ADIPOQ: variants seen among roughly 807,000 people sequenced by gnomAD.
ADIPOQ encodes adiponectin, C1Q and collagen domain containing, also known as adiponectin.
In ADIPOQ, 19 loss-of-function variants were observed where a neutral mutation model predicts 16.1. That is an observed-to-expected ratio of 1.18 (90% CI 0.82 to 1.73). ADIPOQ has a LOEUF of 1.73. ADIPOQ is among the 40% of genes most tolerant of loss of function. The probability of loss-of-function intolerance (pLI) is 0.00; values close to 1 mark genes in which losing one functional copy is unlikely to be tolerated. For synonymous variants in ADIPOQ, 124 were observed against 125.5 expected (o/e 0.99, Z 0.08); for missense variants, 323 against 308.3 (o/e 1.05, Z -0.36).
At chr3:186,847,195 C>G (rs143439787) in intron 1 of ADIPOQ, among the ~76,000 whole-genome samples, 328 of 152,338 alleles carry the variant, frequency 2.2e-3, no homozygotes, top group Non-Finnish European at 3.7e-3. Flanking sequence ...AAACGCATTA[C>G]AGGTCAGAAC....
chr3:186,844,071 T>A (rs1200466385), intron 1 of ADIPOQ, among the ~76,000 whole-genome samples: 1 of 152,224 alleles, frequency 6.6e-6, no homozygotes, highest in Non-Finnish European at 1.5e-5. Flanking sequence ...GGTCCCTTTA[T>A]GCTAGCAGAA....
chr3:186,853,713 C>A, intron 2 of ADIPOQ: 1 of 218,314 alleles, frequency 4.6e-6, no homozygotes, highest in East Asian at 1.1e-4. Flanking sequence ...AAAGTCTACT[C>A]TAAAAATGTC....
At chr3:186,847,234 G>A (rs1213101811) in intron 1 of ADIPOQ, among the ~76,000 whole-genome samples, 7 of 152,192 alleles carry the variant, frequency 4.6e-5, no homozygotes, top group Non-Finnish European at 1.5e-5. Context: ...CACCAAGACC[G>A]TAGAGCCCGT....
At chr3:186,843,743 T>C (rs553137838) in intron 1 of ADIPOQ, among the ~76,000 whole-genome samples, 6 of 151,850 alleles carry the variant, frequency 4.0e-5, no homozygotes, top group Non-Finnish European at 8.8e-5. Context: ...TGGCAACTTA[T>C]GAAAAATTGT....
chr3:186,848,499 C>CTGA (rs1711646721), intron 1 of ADIPOQ, among the ~76,000 whole-genome samples: 1 of 152,190 alleles, frequency 6.6e-6, no homozygotes. Flanking sequence ...CATCGCATCA[C>CTGA]GGTGCCTCCG....
In ADIPOQ at chr3:186,854,935, G is replaced by A; in HGVS notation, c.*231G>A. ...TGACCAGATAACTGACTAGAAAGAA[G>A]TAGTTGACAGTGCTATTTTGTGCCC... On this transcript the variant is annotated 3_prime_UTR_variant, in exon 3 of 3. Transcript: ENST00000320741. 1.7e-6 allele frequency: 1 copy of A among 599,748 alleles called. No homozygotes were observed. The highest frequency in any genetic ancestry group is 2.9e-6 in the Non-Finnish European group (1 of 348,344). The allele number at this position is 599,748 out of a possible 1,614,324, so 37.2% of individuals were successfully genotyped here. A position where few individuals can be genotyped will look rare whatever the true frequency, so the allele number is the denominator to read the frequency against.
Position 186,853,113 on chromosome 3 carries a change from G to A in ADIPOQ, c.55G>A (p.Glu19Lys). ...ATTAGCTCTGCCCGGTCATGACCAG[G>A]AAACCACGACTCAAGGGCCCGGAGT... ...LLLALPGHDQ[E>K]TTTQGPGVLL... is the part of the protein sequence containing the mutation. Residue 19 changes from glutamate (E) to lysine (K), a missense_variant, in exon 2 of 3, where the codon GAA becomes AAA. Physicochemically the swap from Glu to Lys is moderately conservative, Grantham distance 56. Coordinates refer to ENST00000320741, the MANE Select transcript of ADIPOQ (RefSeq NM_004797.4). The A allele has an allele frequency of 6.2e-7, 1 of 1,614,198 alleles. No individual in the cohort carries two copies. The highest frequency in any genetic ancestry group is 8.5e-7 in the Non-Finnish European group (1 of 1,180,032).
chr3:186,843,981 A>C (rs1342341834), intron 1 of ADIPOQ, among the ~76,000 whole-genome samples: 1 of 152,170 alleles, frequency 6.6e-6, no homozygotes, highest in Admixed American at 6.5e-5. Context: ...ATCAAGCCTC[A>C]CAAGGGGTGG....
intron 1 of ADIPOQ, among the ~76,000 whole-genome samples, chr3:186,843,673 A>AAAG (rs1553804540): frequency 6.6e-6 from 1 of 151,494 alleles, no homozygotes; most frequent in African/African-American, 2.4e-5. Context: ...AAAAAAAAAA[A>AAAG]AAAGAAAGAA....
chr3:186,857,134 C>T lies in ADIPOQ; in HGVS notation c.*2430C>T, dbSNP rs200846357. On this transcript the variant is annotated 3_prime_UTR_variant, in exon 3 of 3. Coordinates refer to ENST00000320741, the MANE Select transcript of ADIPOQ (RefSeq NM_004797.4). The stretch of plus-strand genomic sequence containing the variant: ...TGGACATCATGTTTTCTGGTGATGC[C>T]CAAAGAGGAGAGAGGAAGCTCTCTT... The T allele has an allele frequency of 5.9e-5, 9 of 152,130 alleles. No individual in the cohort carries two copies. Among genetic ancestry groups the T allele is most frequent in the Non-Finnish European group, 1.2e-4 (8 of 68,032 alleles). The allele number at this position is 152,130 out of a possible 1,614,324, so 9.4% of individuals were successfully genotyped here. A position where few individuals can be genotyped will look rare whatever the true frequency, so the allele number is the denominator to read the frequency against.
chr3:186,848,161 A>T (rs1711628106), intron 1 of ADIPOQ, among the ~76,000 whole-genome samples: 2 of 125,174 alleles, frequency 1.6e-5, no homozygotes, highest in Admixed American at 8.6e-5. Context: ...CCACAAAGCG[A>T]GACTCCACTT....
Position 186,856,197 on chromosome 3 carries a change from T to A in ADIPOQ, c.*1493T>A, listed in dbSNP as rs1268593284. 2 of 152,180 alleles carry A rather than the reference T, an allele frequency of 1.3e-5. No homozygotes were observed. The highest frequency in any genetic ancestry group is 4.8e-5 in the African/African-American group (2 of 41,442). 9.4% of individuals were successfully genotyped at this position (152,180 alleles called of 1,614,324 possible). ...CAGGGTCAGGGAAGACTGGGCCTCC[T>A]GAATTTATTATTGTTCTTTAAGAAT... On this transcript the variant is annotated 3_prime_UTR_variant, in exon 3 of 3. Coordinates refer to ENST00000320741, the MANE Select transcript of ADIPOQ (RefSeq NM_004797.4).
chr3:186,853,231 G>A lies in ADIPOQ; in HGVS notation c.173G>A (p.Arg58Lys), dbSNP rs867848674. Residue 58 changes from arginine (R) to lysine (K), a missense_variant, in exon 2 of 3, where the codon AGA (arginine) becomes AAA (lysine). By Grantham distance (26) the Arg-to-Lys change is conservative. Coordinates refer to ENST00000320741, the MANE Select transcript of ADIPOQ (RefSeq NM_004797.4). Reference protein sequence around the residue: ...GHNGAPGRDGRDGTPGEKGEK... With the variant: ...GHNGAPGRDGKDGTPGEKGEK... The stretch of plus-strand genomic sequence containing the variant: ...AATGGGGCCCCAGGCCGTGATGGCA[G>A]AGATGGCACCCCTGGTGAGAAGGGT... 1.2e-6 allele frequency: 2 copies of A among 1,613,062 alleles called. No homozygotes were observed. The highest frequency in any genetic ancestry group is 1.1e-5 in the South Asian group (1 of 90,946).
At position 186,853,047 on chromosome 3, in the gene ADIPOQ, C is replaced by T. The variant is rs1711838232; in HGVS notation, c.-8-4C>T. The stretch of plus-strand genomic sequence containing the variant: ...ATGGCTGACAGTGCACATGTGGATT[C>T]CAGGGCTCAGGATGCTGTTGCTGGG... On this transcript the variant is annotated splice_region_variant and splice_polypyrimidine_tract_variant and intron_variant, in intron 1 of 2. Transcript: ENST00000320741. 1 of 1,614,146 alleles carries T rather than the reference C, an allele frequency of 6.2e-7. No individual in the cohort carries two copies. Among genetic ancestry groups the T allele is most frequent in the Non-Finnish European group, 8.5e-7 (1 of 1,180,010 alleles).
intron 1 of ADIPOQ, among the ~76,000 whole-genome samples, chr3:186,846,972 T>C (rs1194040925): frequency 2.0e-5 from 3 of 152,224 alleles, no homozygotes; most frequent in Non-Finnish European, 4.4e-5. Context: ...GAGTCTGTTA[T>C]TGGGTTCTGA....
In ADIPOQ at chr3:186,854,411, G is replaced by T. The variant is rs1711912115; in HGVS notation, c.442G>T (p.Gly148Cys). 1 of 1,614,192 alleles carries T rather than the reference G, an allele frequency of 6.2e-7. No homozygotes were observed. Among genetic ancestry groups the T allele is most frequent in the Non-Finnish European group, 8.5e-7 (1 of 1,180,040 alleles). ...GCAAAACCACTATGATGGCTCCACT[G>T]GTAAATTCCACTGCAACATTCCTGG... Reference protein sequence around the residue: ...NQQNHYDGSTGKFHCNIPGLY... With the variant: ...NQQNHYDGSTCKFHCNIPGLY... The change falls in exon 3 of 3, where the codon GGT (glycine) becomes TGT (cysteine). Residue 148 changes from glycine to cysteine, a missense_variant. By Grantham distance (159) the Gly-to-Cys change is radical (BLOSUM62 -3). Coordinates refer to ENST00000320741, the MANE Select transcript of ADIPOQ (RefSeq NM_004797.4).
rs1203609134 is a variant in ADIPOQ, at chr3:186,856,440, GC to G, written c.*1737del. The G allele has an allele frequency of 6.6e-6, 1 of 152,028 alleles. No homozygotes were observed. Among genetic ancestry groups the G allele is most frequent in the Non-Finnish European group, 1.5e-5 (1 of 68,012 alleles). The allele number at this position is 152,028 out of a possible 1,614,324, so 9.4% of individuals were successfully genotyped here. On this transcript the variant is annotated 3_prime_UTR_variant, in exon 3 of 3. Transcript: ENST00000320741. ...AGGTATTATTTTTTCCACATATAAA[GC>G]TTTGTCTTTTTGTTGTTGTTGTTGT...
Position 186,854,764 on chromosome 3 carries a change from C to A in ADIPOQ, c.*60C>A. On this transcript the variant is annotated 3_prime_UTR_variant, in exon 3 of 3. Coordinates refer to ENST00000320741, the MANE Select transcript of ADIPOQ (RefSeq NM_004797.4). Reference sequence around the variant, plus strand: ...AGCCCCAAAGTCAATTAAAGGCTTTCAGTACGGTTAGGAAGTTGATTATTA... The same window carrying A: ...AGCCCCAAAGTCAATTAAAGGCTTTAAGTACGGTTAGGAAGTTGATTATTA... 6.3e-7 allele frequency: 1 copy of A among 1,586,132 alleles called. No individual in the cohort carries two copies. The highest frequency in any genetic ancestry group is 8.6e-7 in the Non-Finnish European group (1 of 1,157,102).
intron 1 of ADIPOQ, among the ~76,000 whole-genome samples, chr3:186,849,212 T>A (rs1422788952): frequency 6.6e-6 from 1 of 152,222 alleles, no homozygotes; most frequent in South Asian, 2.1e-4. Flanking sequence ...TCTCTCCTCC[T>A]GTTTCCCAGC....
Sources: allele counts gnomAD v4.1 joint callset (sites outside exome capture counted in the v4.1 genomes callset), GRCh38; gene constraint gnomAD v4.1.1; transcripts MANE v1.5; gene names NCBI Gene and HGNC (gene_info 2026-07-23, HGNC 2026-07-21).